VPS54: variants seen among roughly 807,000 people sequenced by gnomAD.
VPS54 encodes the protein VPS54 subunit of GARP complex.
A neutral mutation model predicts 121.5 loss-of-function variants in VPS54; 45 were observed. The observed-to-expected ratio is 0.37, with a 90% CI of 0.29 to 0.47. The LOEUF is 0.47. Ranked by LOEUF, VPS54 falls within the 20% of genes least tolerant of loss-of-function variation. The pLI, the probability that VPS54 is intolerant of heterozygous loss-of-function variation, is 0.99. For missense variants in VPS54, 1,090 were observed against 1,131.4 expected (o/e 0.96, Z 0.52); for synonymous variants, 371 against 385.8 (o/e 0.96, Z 0.45).
chr2:63,915,019 T>C (rs1213115281), intron 16 of VPS54, among the ~76,000 whole-genome samples: 1 of 151,440 alleles, frequency 6.6e-6, no homozygotes, highest in African/African-American at 2.4e-5. Flanking sequence ...GGCGTGGTGC[T>C]GCACATCTGT....
chr2:63,920,960 T>C (rs1014453364), intron 13 of VPS54, among the ~76,000 whole-genome samples: 12 of 152,052 alleles, frequency 7.9e-5, no homozygotes, highest in African/African-American at 2.9e-4. Flanking sequence ...TCAAATTAGT[T>C]ATTAACATAT....
intron 12 of VPS54, among the ~76,000 whole-genome samples, chr2:63,927,218 AC>A (rs940619358): frequency 1.3e-5 from 2 of 151,752 alleles, no homozygotes; most frequent in African/African-American, 2.4e-5. Flanking sequence ...TGGATCCCTG[AC>A]CCCCGTGCAG....
At chr2:64,001,683 T>C (rs959239222) in intron 1 of VPS54, among the ~76,000 whole-genome samples, 5 of 151,954 alleles carry the variant, frequency 3.3e-5, no homozygotes, top group Admixed American at 2.0e-4. Context: ...GGGCTTAGAA[T>C]GGGGGCCTGA....
chr2:63,961,836 A>C (rs896952201), intron 7 of VPS54, among the ~76,000 whole-genome samples: 4 of 152,130 alleles, frequency 2.6e-5, no homozygotes, highest in African/African-American at 9.7e-5. Context: ...TAGAAATTTT[A>C]ATTTTGCTTC....
chr2:63,903,595 G>A (rs75222039), intron 20 of VPS54, among the ~76,000 whole-genome samples: 2,053 of 152,080 alleles, frequency 0.013, 59 homozygotes, highest in African/African-American at 0.046. Context: ...TATAAAATAC[G>A]TAGAAGTAAA....
In VPS54 at chr2:63,944,154, A is replaced by C. The variant is rs995967204; in HGVS notation, c.1301+446T>G. On this transcript the variant is annotated intron_variant, in intron 10 of 22. Transcript: ENST00000272322. ...TTTTAATTACATAGCTACAAATTTA[A>C]ACATAATGCTTGCTATGCCCCTGTA... Among the ~76,000 whole-genome samples, 3 of 152,266 alleles carry C rather than the reference A, an allele frequency of 2.0e-5. No individual in the cohort carries two copies. The East Asian group carries it at 5.8e-4, about 29-fold the overall frequency.
At chr2:64,016,353 T>G (rs1678688716) in intron 1 of VPS54, among the ~76,000 whole-genome samples, 1 of 152,156 alleles carries the variant, frequency 6.6e-6, no homozygotes, top group African/African-American at 2.4e-5. Flanking sequence ...ATAAAAAATT[T>G]TAACATGTAC....
intron 12 of VPS54, among the ~76,000 whole-genome samples, chr2:63,927,181 TGA>T (rs1163265316): frequency 6.6e-6 from 1 of 152,206 alleles, no homozygotes. Flanking sequence ...GTTCGAGCTC[TGA>T]TAACGGACAG....
At chr2:63,993,930 T>C (rs1339925155) in intron 1 of VPS54, among the ~76,000 whole-genome samples, 1 of 152,206 alleles carries the variant, frequency 6.6e-6, no homozygotes, top group Non-Finnish European at 1.5e-5. Flanking sequence ...AATTACTGCC[T>C]TATAGGATTT....
At chr2:63,937,970 CTA>C (rs1350854523) in intron 11 of VPS54, among the ~76,000 whole-genome samples, 1 of 151,852 alleles carries the variant, frequency 6.6e-6, no homozygotes, top group Non-Finnish European at 1.5e-5. Context: ...CATGAGTGCT[CTA>C]TGAGTCAAAC....
chr2:63,999,685 T>C (rs1323044514), intron 1 of VPS54, among the ~76,000 whole-genome samples: 1 of 152,184 alleles, frequency 6.6e-6, no homozygotes, highest in Non-Finnish European at 1.5e-5. Flanking sequence ...TTTTTACCCC[T>C]ATCTCTTTCT....
In VPS54 at chr2:63,933,839, C is replaced by G. The variant is rs1288781953; in HGVS notation, c.1573G>C (p.Gly525Arg). The change falls in exon 12 of 23, where the codon GGT (glycine) becomes CGT (arginine). Residue 525 changes from glycine to arginine, a missense_variant. By Grantham distance (125) the Gly-to-Arg change is moderately radical. This residue lies in a region of VPS54 where 801 missense variants were observed against 757.0 expected (regional missense o/e 1.06). Transcript: ENST00000272322. ...GMFISDAFGE[G>R]ELTPIAVDTT... Reference sequence around the variant, plus strand: ...TCAACTGCTATAGGTGTTAGCTCACCCTCACCGAATGCATCACTTATAAAC... The same window carrying G: ...TCAACTGCTATAGGTGTTAGCTCACGCTCACCGAATGCATCACTTATAAAC... The G allele has an allele frequency of 6.2e-7, 1 of 1,613,798 alleles. No homozygotes were observed. Among genetic ancestry groups the G allele is most frequent in the Non-Finnish European group, 8.5e-7 (1 of 1,179,850 alleles).
At chr2:64,015,020 C>T (rs1218918259) in intron 1 of VPS54, among the ~76,000 whole-genome samples, 1 of 151,894 alleles carries the variant, frequency 6.6e-6, no homozygotes, top group African/African-American at 2.4e-5. Flanking sequence ...TACATACATA[C>T]ATACATAACA....
chr2:63,960,843 A>G (rs921212124), intron 7 of VPS54, among the ~76,000 whole-genome samples: 1 of 152,244 alleles, frequency 6.6e-6, no homozygotes, highest in Non-Finnish European at 1.5e-5. Flanking sequence ...AATTCAAAGT[A>G]GACTTCAAAA....
At chr2:63,961,223 G>A (rs755454333) in intron 7 of VPS54, among the ~76,000 whole-genome samples, 18 of 152,284 alleles carry the variant, frequency 1.2e-4, no homozygotes, top group Non-Finnish European at 2.2e-4. Context: ...TACCTTAACT[G>A]AATGAATCAA....
At chr2:63,994,924 CTTATT>C (rs970929632) in intron 1 of VPS54, among the ~76,000 whole-genome samples, 7 of 152,294 alleles carry the variant, frequency 4.6e-5, no homozygotes, top group African/African-American at 9.6e-5. Context: ...CTGGAGGCTA[CTTATT>C]TTATTTCTTA....
chr2:63,947,709 C>T (rs1430597089), intron 8 of VPS54, among the ~76,000 whole-genome samples: 1 of 152,136 alleles, frequency 6.6e-6, no homozygotes, highest in Non-Finnish European at 1.5e-5. Flanking sequence ...CACAGTGAAC[C>T]AATGAAGCTG....
intron 3 of VPS54, among the ~76,000 whole-genome samples, chr2:63,972,657 G>A (rs537465156): frequency 1.2e-3 from 183 of 152,124 alleles, no homozygotes; most frequent in Middle Eastern, 0.01. Context: ...AGGCCAAGGC[G>A]GGCCGATCAC....
At position 63,947,465 on chromosome 2, in the gene VPS54, C is replaced by G. The variant is rs1411269270; in HGVS notation, c.1163G>C (p.Gly388Ala). ...EEERLISLVF[G>A]LLKQRKLNFL... ...ATTAAGCTTTCTTTGTTTTAAAAGT[C>G]CAAATACAAGAGATATTAGTCTTTC... The change falls in exon 9 of 23, where the codon GGA (glycine) becomes GCA (alanine). Residue 388 changes from glycine to alanine, a missense_variant. Transcript: ENST00000272322. 3.9e-6 allele frequency: 6 copies of G among 1,533,602 alleles called. No homozygotes were observed. Among genetic ancestry groups the G allele is most frequent in the Non-Finnish European group, 5.4e-6 (6 of 1,121,110 alleles). The allele number at this position is 1,533,602 out of a possible 1,614,324, so 95.0% of individuals were successfully genotyped here. A position where few individuals can be genotyped will look rare whatever the true frequency, so the allele number is the denominator to read the frequency against.
Sources: allele counts gnomAD v4.1 joint callset (sites outside exome capture counted in the v4.1 genomes callset), GRCh38; gene constraint gnomAD v4.1.1; regional missense constraint gnomAD v4.1.1; transcripts MANE v1.5; gene names NCBI Gene and HGNC (gene_info 2026-07-23, HGNC 2026-07-21).